The following TCAIM variants were observed in gnomAD, a reference collection of about 807,000 sequenced individuals.
TCAIM encodes the protein T cell activation inhibitor, mitochondrial, also known as T-cell activation inhibitor, mitochondrial.
Under a neutral mutation model 58.6 loss-of-function variants are expected in TCAIM, and 36 were observed. The observed-to-expected ratio is 0.61, with a 90% CI of 0.47 to 0.81. The LOEUF is 0.81. Among genes scored for constraint, TCAIM ranks in the 30% least tolerant of loss-of-function variants. The pLI, the probability that TCAIM is intolerant of heterozygous loss-of-function variation, is 0.00. For synonymous variants in TCAIM, 172 were observed against 193.6 expected, an observed-to-expected ratio of 0.89 and a Z score of 0.93; for missense variants, 466 against 579.6, an observed-to-expected ratio of 0.80 and a Z score of 2.01.
At chr3:44,404,065 T>C (rs1235892371) in intron 10 of TCAIM, among the ~76,000 whole-genome samples, 1 of 152,138 alleles carries the variant, frequency 6.6e-6, no homozygotes, top group East Asian at 1.9e-4. Context: ...CTTTTTATAG[T>C]CCTCGGGCAC....
chr3:44,341,041 G>A (rs895238005), intron 1 of TCAIM: 2 of 152,076 alleles, frequency 1.3e-5, no homozygotes, highest in African/African-American at 4.8e-5. Context: ...ATTTGTATAG[G>A]AAGTGATCAT....
chr3:44,402,843 GGAGAA>G (rs1044620231), intron 10 of TCAIM, among the ~76,000 whole-genome samples: 10 of 152,070 alleles, frequency 6.6e-5, no homozygotes, highest in Non-Finnish European at 1.5e-4. Flanking sequence ...GAAGTTTCAA[GGAGAA>G]GAGAAGAGGA....
chr3:44,372,034 GA>G lies in TCAIM; in HGVS notation c.572+4328del, dbSNP rs1291944605. ...AGAAGGAAGGAAGGAAGGAAGGAAG[GA>G]AGGAAGGAAGGAAGGAAGGAAGGAA... On this transcript the variant is annotated intron_variant, in intron 5 of 10. Transcript: ENST00000342649. Among the ~76,000 whole-genome samples, 244 of 145,194 alleles carry G rather than the reference GA, an allele frequency of 1.7e-3. 2 individuals carry two copies. Among genetic ancestry groups the G allele is most frequent in the Middle Eastern group, 7.1e-3 (2 of 282 alleles).
chr3:44,383,618 A>G (rs1308262081), intron 5 of TCAIM, among the ~76,000 whole-genome samples: 2 of 152,092 alleles, frequency 1.3e-5, no homozygotes, highest in Non-Finnish European at 2.9e-5. Context: ...CTGAAAATTG[A>G]TGGTGGTGAT....
At chr3:44,365,786 A>G (rs561396084) in intron 4 of TCAIM, among the ~76,000 whole-genome samples, 108 of 152,372 alleles carry the variant, frequency 7.1e-4, no homozygotes, top group South Asian at 5.4e-3. Flanking sequence ...AATGTGGCCA[A>G]TGTGGCCAAA....
At chr3:44,377,994 A>G (rs556136340) in intron 5 of TCAIM, among the ~76,000 whole-genome samples, 1 of 152,344 alleles carries the variant, frequency 6.6e-6, no homozygotes, top group African/African-American at 2.4e-5. Context: ...CGATATATCA[A>G]CAGAGTAAAC....
chr3:44,354,293 C>G (rs1021323622), intron 1 of TCAIM, among the ~76,000 whole-genome samples: 5 of 152,180 alleles, frequency 3.3e-5, no homozygotes, highest in Admixed American at 1.3e-4. Context: ...TCACCAACAC[C>G]GCGCTGTCTT....
At chr3:44,395,003 T>C (rs948040998) in intron 6 of TCAIM, among the ~76,000 whole-genome samples, 7 of 130,044 alleles carry the variant, frequency 5.4e-5, no homozygotes, top group African/African-American at 1.5e-4. Flanking sequence ...TTTAAGAGTA[T>C]AAAAGGGTCC....
intron 8 of TCAIM, among the ~76,000 whole-genome samples, chr3:44,398,268 T>TA (rs1031997219): frequency 1.6e-4 from 24 of 150,786 alleles, no homozygotes; most frequent in Admixed American, 2.0e-4. Context: ...TACTAAAAAT[T>TA]AAAAAAAAAT....
chr3:44,362,199 C>T (rs1370524249), intron 4 of TCAIM, among the ~76,000 whole-genome samples: 2 of 152,152 alleles, frequency 1.3e-5, no homozygotes, highest in Non-Finnish European at 2.9e-5. Flanking sequence ...AAGGCTAAAA[C>T]AGGATACACT....
intron 8 of TCAIM, among the ~76,000 whole-genome samples, chr3:44,400,117 A>AT (rs1372319018): frequency 6.6e-5 from 10 of 151,150 alleles, no homozygotes; most frequent in East Asian, 1.9e-4. Context: ...TTTGGAGCAT[A>AT]TTTTTTTTTG....
intron 1 of TCAIM, 62 bp from the exon 2 acceptor site, chr3:44,354,677 C>A: frequency 8.9e-7 from 1 of 1,127,296 alleles, no homozygotes; most frequent in Non-Finnish European, 1.3e-6. Context: ...TAATATAAAT[C>A]GCAATGTGTT....
intron 10 of TCAIM, among the ~76,000 whole-genome samples, chr3:44,402,996 T>C (rs1702043943): frequency 6.6e-6 from 1 of 152,124 alleles, no homozygotes; most frequent in Non-Finnish European, 1.5e-5. Flanking sequence ...AGGCTAGATA[T>C]GGTGGCTCAC....
intron 10 of TCAIM, among the ~76,000 whole-genome samples, chr3:44,405,727 G>A (rs182076449): frequency 2.0e-4 from 30 of 151,826 alleles, no homozygotes; most frequent in African/African-American, 4.6e-4. Context: ...AGGCTGAGGC[G>A]GGTGGATCAC....
At chr3:44,358,174 CT>C in intron 3 of TCAIM, 1 of 1,545,348 alleles carries the variant, frequency 6.5e-7, no homozygotes, top group Non-Finnish European at 8.6e-7. Context: ...AACTTGAGAC[CT>C]TTATTATCAT....
intron 5 of TCAIM, among the ~76,000 whole-genome samples, chr3:44,385,831 G>A (rs560395022): frequency 9.9e-5 from 15 of 152,198 alleles, no homozygotes; most frequent in Non-Finnish European, 1.3e-4. Context: ...AGAAACACAC[G>A]ATGGTGTCTC....
chr3:44,380,259 A>C (rs2125645046), intron 5 of TCAIM, among the ~76,000 whole-genome samples: 1 of 152,326 alleles, frequency 6.6e-6, no homozygotes, highest in East Asian at 1.9e-4. Flanking sequence ...CGTGTATTTC[A>C]GAATAGCTAG....
intron 2 of TCAIM, among the ~76,000 whole-genome samples, chr3:44,356,013 G>A (rs1336161775): frequency 6.6e-6 from 1 of 152,102 alleles, no homozygotes; most frequent in Non-Finnish European, 1.5e-5. Context: ...TCTAATCTTT[G>A]ATGTACAAAT....
chr3:44,348,878 G>GA (rs1701028176), intron 1 of TCAIM, among the ~76,000 whole-genome samples: 1 of 152,048 alleles, frequency 6.6e-6, no homozygotes, highest in Non-Finnish European at 1.5e-5. Flanking sequence ...GTCTGATAGA[G>GA]AAAAAAGGAG....
Sources: gnomAD v4.1 joint callset for allele counts (sites outside exome capture counted in the v4.1 genomes callset) on GRCh38, gnomAD v4.1.1 for gene constraint, MANE v1.5 for transcripts, NCBI Gene and HGNC (gene_info 2026-07-23, HGNC 2026-07-21) for gene names.